SCAF11: variants seen among roughly 807,000 people sequenced by gnomAD.
SCAF11 encodes SR-related CTD associated factor 11, also known as protein SCAF11.
In SCAF11, 47 loss-of-function variants were observed where a neutral mutation model predicts 140.5. The observed-to-expected ratio is 0.33, with a 90% confidence interval of 0.26 to 0.43. SCAF11 has a LOEUF of 0.43. SCAF11 is among the 20% of genes least tolerant of loss of function. The pLI is 1.00. For synonymous variants in SCAF11, 557 were observed against 579.4 expected (o/e 0.96, Z 0.55); for missense variants, 1,645 against 1,705.1 (o/e 0.96, Z 0.62).
chr12:45,950,031 A>T (rs1168108173), intron 4 of SCAF11, among the ~76,000 whole-genome samples: 2 of 152,064 alleles, frequency 1.3e-5, no homozygotes, highest in African/African-American at 2.4e-5. Flanking sequence ...AATCATTCAT[A>T]CATACATACA....
chr12:45,990,273 G>A, intron 1 of SCAF11, 80 bp downstream of exon 1: 5 of 1,230,230 alleles, frequency 4.1e-6, no homozygotes, highest in Non-Finnish European at 5.1e-6. Context: ...CCGCTCCAGC[G>A]CTCTGCGCCG....
intron 1 of SCAF11, among the ~76,000 whole-genome samples, chr12:45,969,190 T>C (rs893946671): frequency 6.6e-6 from 1 of 152,232 alleles, no homozygotes; most frequent in Admixed American, 6.5e-5. Flanking sequence ...CAAGTTATAT[T>C]TGGGATGCTA....
intron 12 of SCAF11, among the ~76,000 whole-genome samples, chr12:45,924,506 T>C (rs1429478184): frequency 6.6e-6 from 1 of 152,222 alleles, no homozygotes; most frequent in Non-Finnish European, 1.5e-5. Context: ...ACAGCATATA[T>C]GTAGCTTGGA....
At position 45,925,171 on chromosome 12, in the gene SCAF11, A is replaced by G. The variant is rs117605270; in HGVS notation, c.3560-97T>C. Reference sequence around the variant, plus strand: ...CTGGTTACAGTAAAATTAAATAGCAATTAATAGGCTCAGTATACCAATACC... The same window carrying G: ...CTGGTTACAGTAAAATTAAATAGCAGTTAATAGGCTCAGTATACCAATACC... On this transcript the variant is annotated intron_variant, in intron 11 of 14. Transcript: ENST00000369367. 1,540 of 851,402 alleles carry G rather than the reference A, an allele frequency of 1.8e-3. 53 individuals are homozygous for G. In the East Asian group the frequency reaches 0.04, roughly 22 times the overall value. 52.7% of individuals were successfully genotyped at this position (851,402 alleles called of 1,614,324 possible). A position where few individuals can be genotyped will look rare whatever the true frequency, so the allele number is the denominator to read the frequency against.
intron 1 of SCAF11, among the ~76,000 whole-genome samples, chr12:45,973,055 C>A (rs1457208893): frequency 9.5e-6 from 1 of 104,764 alleles, no homozygotes; most frequent in Non-Finnish European, 2.2e-5. Context: ...TATATCCCAA[C>A]AAGTATAAGC....
chr12:45,947,056 C>A (rs1945439638), intron 5 of SCAF11, among the ~76,000 whole-genome samples: 1 of 152,148 alleles, frequency 6.6e-6, no homozygotes, highest in African/African-American at 2.4e-5. Context: ...GAATTAATCT[C>A]AGTGACTACT....
At chr12:45,965,301 G>A (rs1344557846) in intron 1 of SCAF11, among the ~76,000 whole-genome samples, 1 of 152,112 alleles carries the variant, frequency 6.6e-6, no homozygotes, top group Admixed American at 6.5e-5. Context: ...TATTTGAAAA[G>A]CACGGAATTA....
chr12:45,971,333 T>C (rs548050557), intron 1 of SCAF11, among the ~76,000 whole-genome samples: 1 of 152,270 alleles, frequency 6.6e-6, no homozygotes, highest in Non-Finnish European at 1.5e-5. Context: ...GATCAAGGAG[T>C]TCCAGTTCCA....
At chr12:45,942,857 C>T (rs1044518064) in intron 6 of SCAF11, among the ~76,000 whole-genome samples, 3 of 152,108 alleles carry the variant, frequency 2.0e-5, no homozygotes, top group Non-Finnish European at 2.9e-5. Flanking sequence ...TTTATATTTG[C>T]GTTTGTCTAC....
chr12:45,947,013 G>A (rs1653783605), intron 5 of SCAF11, among the ~76,000 whole-genome samples: 1 of 152,024 alleles, frequency 6.6e-6, no homozygotes, highest in South Asian at 2.1e-4. Context: ...TAACATCTAA[G>A]GAGCTTACAG....
At chr12:45,951,511 T>A (rs1945548704) in intron 4 of SCAF11, 139 bp downstream of exon 4, 1 of 516,966 alleles carries the variant, frequency 1.9e-6, no homozygotes, top group Non-Finnish European at 3.4e-6. Context: ...AAGGTATAAA[T>A]TTATCATGCT....
chr12:45,933,360 G>T, intron 8 of SCAF11, 128 bp from the exon 9 acceptor site: 1 of 512,544 alleles, frequency 2.0e-6, no homozygotes, highest in Non-Finnish European at 3.4e-6. Context: ...AAGCATGTGA[G>T]CTCTTTTCTA....
Position 45,928,581 on chromosome 12 carries a change from G to A in SCAF11, c.1120C>T (p.Arg374Trp), listed in dbSNP as rs1390824984. The A allele has an allele frequency of 6.2e-6, 10 of 1,613,932 alleles. No individual in the cohort carries two copies. Among genetic ancestry groups the A allele is most frequent in the Middle Eastern group, 1.6e-4 (1 of 6,084 alleles). Residue 374 changes from arginine (R) to tryptophan (W), a missense_variant, in exon 11 of 15, where the codon CGG becomes TGG. Arg to Trp is a moderately radical substitution (Grantham distance 101). Transcript: ENST00000369367. ...SEKQTRQAPKRKSVRRGRKPP... is the reference protein window; with the variant it reads ...SEKQTRQAPKWKSVRRGRKPP... ...TTTCTTCCTCTTCTTACAGACTTCCGTTTTGGAGCCTGTCTTGTTTGCTTT... is the reference window on the plus strand; with the variant it reads ...TTTCTTCCTCTTCTTACAGACTTCCATTTTGGAGCCTGTCTTGTTTGCTTT...
chr12:45,945,536 C>CT (rs36058160), intron 5 of SCAF11, among the ~76,000 whole-genome samples: 7,176 of 122,004 alleles, frequency 0.059, 315 homozygotes, highest in Non-Finnish European at 0.086. Context: ...TTATCTCAGT[C>CT]TTTTTTTTTT....
In SCAF11 at chr12:45,926,974, G is replaced by C. The variant is rs1944884917; in HGVS notation, c.2727C>G (p.Ser909=). 1.2e-6 allele frequency: 2 copies of C among 1,612,390 alleles called. No homozygotes were observed. Residue 909 remains serine, a synonymous_variant, in exon 11 of 15, where the codon TCC becomes TCG. Transcript: ENST00000369367. The part of the protein sequence containing the change: ...KDSSPGEKSR[S]QSRERESDRD... ...TATCACTTTCTCGTTCTCTGCTCTG[G>C]GACCTGGATTTTTCTCCTGGGGAAG...
At chr12:45,963,392 A>G (rs1358404561) in intron 2 of SCAF11, among the ~76,000 whole-genome samples, 1 of 152,208 alleles carries the variant, frequency 6.6e-6, no homozygotes, top group Admixed American at 6.5e-5. Flanking sequence ...AATGATAATT[A>G]GACTGGGAAG....
At chr12:45,976,548 T>C (rs954492473) in intron 1 of SCAF11, among the ~76,000 whole-genome samples, 14 of 152,226 alleles carry the variant, frequency 9.2e-5, no homozygotes, top group African/African-American at 3.4e-4. Context: ...GGGTAACTAC[T>C]ATACCCAGTT....
chr12:45,966,748 A>C (rs969665492), intron 1 of SCAF11, among the ~76,000 whole-genome samples: 2 of 152,198 alleles, frequency 1.3e-5, no homozygotes, highest in Non-Finnish European at 2.9e-5. Flanking sequence ...ACAACAACAA[A>C]GAGATGAATG....
At chr12:45,989,625 A>C (rs899643654) in intron 1 of SCAF11, among the ~76,000 whole-genome samples, 4 of 152,242 alleles carry the variant, frequency 2.6e-5, no homozygotes, top group Admixed American at 6.5e-5. Context: ...TTAATGGTTC[A>C]AAATTCCTAG....
Sources: allele counts gnomAD v4.1 joint callset (sites outside exome capture counted in the v4.1 genomes callset), GRCh38; gene constraint gnomAD v4.1.1; transcripts MANE v1.5; gene names NCBI Gene and HGNC (gene_info 2026-07-23, HGNC 2026-07-21).